The following PPFIBP2 variants were observed in gnomAD, a reference collection of about 807,000 sequenced individuals.
PPFIBP2 encodes the protein PPFIB scaffold protein 2, also known as liprin-beta-2.
A neutral mutation model predicts 118.3 loss-of-function variants in PPFIBP2; 118 were observed. The ratio of observed to expected loss-of-function variants is 1.00; its 90% CI spans 0.86 to 1.16. The LOEUF is 1.16. Ranked by LOEUF, PPFIBP2 falls within the 50% of genes most tolerant of loss-of-function variation. PPFIBP2 has a pLI of 0.00. For missense variants in PPFIBP2, 1,195 were observed against 1,073.1 expected (o/e 1.11, Z -1.59); for synonymous variants, 414 against 397.4 (o/e 1.04, Z -0.50).
the PPFIBP2 span, chr11:7,665,435 G>T: frequency 3.1e-6 from 5 of 1,612,854 alleles, no homozygotes; most frequent in African/African-American, 4.0e-5. Flanking sequence ...GTGAGCCGCC[G>T]TCTGGATTAG....
intron 5 of PPFIBP2, among the ~76,000 whole-genome samples, chr11:7,603,435 C>T (rs753704932): frequency 2.6e-5 from 4 of 152,210 alleles, no homozygotes; most frequent in Non-Finnish European, 5.9e-5. Context: ...AAAGAGACTT[C>T]CCTGCAAGAC....
In PPFIBP2 at chr11:7,649,528, T is replaced by A; in HGVS notation, c.1999-4T>A. 1 of 1,614,146 alleles carries A rather than the reference T, an allele frequency of 6.2e-7. No homozygotes were observed. Among genetic ancestry groups the A allele is most frequent in the Non-Finnish European group, 8.5e-7 (1 of 1,180,026 alleles). On this transcript the variant is annotated splice_region_variant and splice_polypyrimidine_tract_variant and intron_variant, in intron 20 of 23. Coordinates refer to ENST00000299492, the MANE Select transcript of PPFIBP2 (RefSeq NM_003621.5). The stretch of plus-strand genomic sequence containing the variant: ...GGTTTATAAACCAAACTTTCCTCTT[T>A]CAGAACGATTTACTCTTCTTAAAAG...
intron 2 of PPFIBP2, among the ~76,000 whole-genome samples, chr11:7,553,114 G>A (rs889414966): frequency 1.3e-5 from 2 of 151,912 alleles, no homozygotes; most frequent in Non-Finnish European, 2.9e-5. Context: ...TTGGTTAGGA[G>A]GTATACATAT....
chr11:7,582,876 C>T (rs1015753039), intron 3 of PPFIBP2, among the ~76,000 whole-genome samples: 3 of 152,182 alleles, frequency 2.0e-5, no homozygotes, highest in African/African-American at 7.2e-5. Context: ...CAATCCTGTT[C>T]CAGCTCCTCT....
chr11:7,655,787 G>A (rs1854630995), downstream of PPFIBP2, among the ~76,000 whole-genome samples: 1 of 151,518 alleles, frequency 6.6e-6, no homozygotes, highest in South Asian at 2.1e-4. Flanking sequence ...CCCAGGCTTA[G>A]AGATGAGGAA....
chr11:7,571,751 GCTTT>G (rs1276029712), intron 3 of PPFIBP2: 1 of 152,170 alleles, frequency 6.6e-6, no homozygotes, highest in Non-Finnish European at 1.5e-5. Flanking sequence ...GTGTGTCCGT[GCTTT>G]CTTTCTGCGC....
intron 5 of PPFIBP2, chr11:7,606,009 GC>G: frequency 6.5e-7 from 1 of 1,534,566 alleles, no homozygotes; most frequent in Non-Finnish European, 8.7e-7. Flanking sequence ...GACGGAGTGC[GC>G]CTAAAGTAGG....
At chr11:7,591,336 G>A (rs754672573) in intron 3 of PPFIBP2, among the ~76,000 whole-genome samples, 5 of 151,756 alleles carry the variant, frequency 3.3e-5, no homozygotes, top group Non-Finnish European at 4.4e-5. Context: ...TGTGGACTTC[G>A]GCACTGGGGT....
At chr11:7,515,630 G>A (rs1849165647) in intron 1 of PPFIBP2, among the ~76,000 whole-genome samples, 1 of 152,214 alleles carries the variant, frequency 6.6e-6, no homozygotes, top group Non-Finnish European at 1.5e-5. Context: ...GACTCACCAT[G>A]AGAAGTGGCC....
At chr11:7,613,894 G>A (rs367787909) in intron 6 of PPFIBP2, among the ~76,000 whole-genome samples, 3 of 152,202 alleles carry the variant, frequency 2.0e-5, no homozygotes, top group South Asian at 2.1e-4. Flanking sequence ...AGGGGTACAC[G>A]TGAGCAAGAA....
At chr11:7,609,657 T>C (rs1002680235) in intron 5 of PPFIBP2, among the ~76,000 whole-genome samples, 1 of 152,242 alleles carries the variant, frequency 6.6e-6, no homozygotes, top group African/African-American at 2.4e-5. Flanking sequence ...ACCTCCCTGG[T>C]CTGTCTTCAC....
At chr11:7,665,346 A>C in the PPFIBP2 span, 2 of 1,473,672 alleles carry the variant, frequency 1.4e-6, no homozygotes, top group Non-Finnish European at 1.8e-6. Flanking sequence ...GAAAAGGGAC[A>C]TGCAAAATTG....
chr11:7,539,675 C>T (rs540590099), intron 1 of PPFIBP2, among the ~76,000 whole-genome samples: 10 of 152,186 alleles, frequency 6.6e-5, no homozygotes, highest in East Asian at 5.8e-4. Context: ...CTGGGAGTGG[C>T]GAGGGGGACC....
At chr11:7,659,691 A>G (rs1854850692), downstream of PPFIBP2, among the ~76,000 whole-genome samples, 1 of 122,648 alleles carries the variant, frequency 8.2e-6, no homozygotes, top group East Asian at 2.0e-4. Flanking sequence ...GAAGAAAGGC[A>G]TTGGTAGCTT....
intron 2 of PPFIBP2, among the ~76,000 whole-genome samples, chr11:7,560,908 T>A (rs899196107): frequency 6.6e-6 from 1 of 152,266 alleles, no homozygotes; most frequent in African/African-American, 2.4e-5. Context: ...TCCATATTTT[T>A]AAATTTTACT....
At chr11:7,556,130 G>A (rs1263943393) in intron 2 of PPFIBP2, among the ~76,000 whole-genome samples, 1 of 152,168 alleles carries the variant, frequency 6.6e-6, no homozygotes, top group African/African-American at 2.4e-5. Context: ...GGTGTGTTCT[G>A]TGTGGAAAAA....
At chr11:7,652,419 C>T (rs1448200211) in intron 23 of PPFIBP2, among the ~76,000 whole-genome samples, 1 of 152,254 alleles carries the variant, frequency 6.6e-6, no homozygotes, top group East Asian at 1.9e-4. Context: ...ACATTCTTCC[C>T]AGACTACAGA....
Position 7,629,441 on chromosome 11 carries a change from C to G in PPFIBP2, c.889-18C>G. 6.2e-7 allele frequency: 1 copy of G among 1,611,326 alleles called. No homozygotes were observed. Among genetic ancestry groups the G allele is most frequent in the Non-Finnish European group, 8.5e-7 (1 of 1,177,450 alleles). On this transcript the variant is annotated intron_variant, in intron 9 of 23. Coordinates refer to ENST00000299492, the MANE Select transcript of PPFIBP2 (RefSeq NM_003621.5). ...GCCAGCATAGCATTAATCTAAATCT[C>G]TACTTGCACTATGGCAGGACCGTCG... is the stretch of plus-strand genomic sequence containing the variant.
chr11:7,534,381 A>G (rs1475995543), intron 1 of PPFIBP2, among the ~76,000 whole-genome samples: 1 of 152,194 alleles, frequency 6.6e-6, no homozygotes, highest in African/African-American at 2.4e-5. Flanking sequence ...AATTTTTGAG[A>G]TGAAGCTTTT....
Sources: gnomAD v4.1 joint callset for allele counts (sites outside exome capture counted in the v4.1 genomes callset) on GRCh38, gnomAD v4.1.1 for gene constraint, MANE v1.5 for transcripts, NCBI Gene and HGNC (gene_info 2026-07-23, HGNC 2026-07-21) for gene names.